Variants in PCDHAC2 observed in about 807,000 individuals in gnomAD.
The protein encoded by PCDHAC2 is protocadherin alpha-C2.
Under a neutral mutation model 63.3 loss-of-function variants are expected in PCDHAC2, and 24 were observed. The ratio of observed to expected loss-of-function variants is 0.38; its 90% confidence interval spans 0.27 to 0.53. PCDHAC2 has a LOEUF of 0.53. Ranked by LOEUF, PCDHAC2 falls within the 20% of genes least tolerant of loss-of-function variation. The pLI is 0.81. For synonymous variants in PCDHAC2, 569 were observed against 529.4 expected (o/e 1.07, Z -1.03); for missense variants, 1,181 against 1,275.2 (o/e 0.93, Z 1.12).
At chr5:140,971,844 C>T (rs1209652703) in intron 1 of PCDHAC2, among the ~76,000 whole-genome samples, 2 of 151,920 alleles carry the variant, frequency 1.3e-5, no homozygotes, top group African/African-American at 2.4e-5. Flanking sequence ...GCAAGTCATG[C>T]GTTAAATATT....
rs377370256 is a variant in PCDHAC2 at position 140,966,811 on chromosome 5, G to A, written c.45G>A (p.Arg15=). Residue 15 remains arginine (R), a synonymous_variant, in exon 1 of 4, where the codon CGG becomes CGA. Transcript: ENST00000289269. ...GACCTGCGGCGACAGAGCATCCACGGCTCCGGCGGCCCATGCCCTGGCTGC... is the reference window on the plus strand; with the variant it reads ...GACCTGCGGCGACAGAGCATCCACGACTCCGGCGGCCCATGCCCTGGCTGC... ...GTRPAATEHP[R]LRRPMPWLLL... is the part of the protein sequence containing the mutation. The A allele has an allele frequency of 1.4e-5, 21 of 1,549,722 alleles. No individual in the cohort carries two copies. The African/African-American group carries it at 2.6e-4, about 19-fold the overall frequency.
intron 2 of PCDHAC2, among the ~76,000 whole-genome samples, chr5:140,981,575 A>G (rs2096938835): frequency 1.3e-5 from 2 of 152,152 alleles, no homozygotes; most frequent in African/African-American, 4.8e-5. Flanking sequence ...CTTTGTCTCA[A>G]AAATAAATAA....
At chr5:140,978,397 C>G (rs2096799745) in intron 1 of PCDHAC2, among the ~76,000 whole-genome samples, 1 of 152,080 alleles carries the variant, frequency 6.6e-6, no homozygotes, top group Non-Finnish European at 1.5e-5. Flanking sequence ...CCCTAGTATC[C>G]CTCTTCAATC....
intron 3 of PCDHAC2, among the ~76,000 whole-genome samples, chr5:141,008,259 T>G (rs986818585): frequency 3.3e-5 from 5 of 152,202 alleles, no homozygotes; most frequent in Non-Finnish European, 7.3e-5. Context: ...TAGAGGAGAC[T>G]GAGAAGTAAT....
At chr5:140,991,847 G>A (rs1375292594) in intron 3 of PCDHAC2, among the ~76,000 whole-genome samples, 1 of 152,162 alleles carries the variant, frequency 6.6e-6, no homozygotes, top group African/African-American at 2.4e-5. Flanking sequence ...CGCACTTCCA[G>A]ATACCAAAAT....
At chr5:140,989,296 G>A (rs1587341853) in intron 3 of PCDHAC2, among the ~76,000 whole-genome samples, 1 of 152,128 alleles carries the variant, frequency 6.6e-6, no homozygotes, top group South Asian at 2.1e-4. Context: ...TGTCACAAAG[G>A]GCCAAGGAAG....
intron 3 of PCDHAC2, among the ~76,000 whole-genome samples, chr5:141,000,387 CTCTCTCTCTA>C (rs1244377903): frequency 2.3e-3 from 152 of 66,802 alleles, no homozygotes; most frequent in African/African-American, 4.6e-3. Flanking sequence ...CTCTCTCTCT[CTCTCTCTCTA>C]TATATATATA....
At chr5:140,987,944 T>C (rs910006070) in intron 3 of PCDHAC2, among the ~76,000 whole-genome samples, 11 of 152,186 alleles carry the variant, frequency 7.2e-5, no homozygotes, top group African/African-American at 2.7e-4. Context: ...CTTACCTGTC[T>C]GACAAAACCA....
intron 3 of PCDHAC2, among the ~76,000 whole-genome samples, chr5:140,991,746 T>C (rs74524919): frequency 0.01 from 1,537 of 152,318 alleles, 24 homozygotes; most frequent in African/African-American, 0.035. Flanking sequence ...GTAGGCTCTT[T>C]CTATCATGCT....
At position 140,981,056 on chromosome 5, in the gene PCDHAC2, G is replaced by A. The variant is rs571113984; in HGVS notation, c.2625-1419G>A. 1.5e-3 allele frequency among the ~76,000 whole-genome samples: 227 copies of A among 152,276 alleles called. 1 individual carries two copies. Among genetic ancestry groups the A allele is most frequent in the African/African-American group, 5.2e-3 (217 of 41,556 alleles). ...GGGAAAAAAAACAGATAATTCTAGA[G>A]TGTAGACAAGGGGAAGAATAGTAAA... On this transcript the variant is annotated intron_variant, in intron 2 of 3. Transcript: ENST00000289269.
In PCDHAC2 at chr5:140,966,770, G is replaced by C; in HGVS notation, c.4G>C (p.Glu2Gln). 3 of 1,500,088 alleles carry C rather than the reference G, an allele frequency of 2.0e-6. No individual in the cohort carries two copies. Among genetic ancestry groups the C allele is most frequent in the Non-Finnish European group, 2.7e-6 (3 of 1,126,518 alleles). 92.9% of individuals were successfully genotyped at this position (1,500,088 alleles called of 1,614,324 possible). Reference protein sequence around the residue: MEQAGTRPAATE... With the variant: MQQAGTRPAATE... ...GCCTCCGCCGCGGCCAGTGGCTATG[G>C]AGCAGGCGGGCACCAGACCTGCGGC... Residue 2 changes from glutamate to glutamine, a missense_variant, in exon 1 of 4, where the codon GAG becomes CAG. Around this residue, in one of 3 missense-constraint regions of PCDHAC2, gnomAD observed 210 missense variants for 184.9 expected, o/e 1.14. Coordinates refer to ENST00000289269, the MANE Select transcript of PCDHAC2 (RefSeq NM_018899.6).
rs959631573 is a variant in PCDHAC2 at position 140,968,044 on chromosome 5, A to C, written c.1278A>C (p.Pro426=). 2 of 1,614,142 alleles carry C rather than the reference A, an allele frequency of 1.2e-6. No individual in the cohort carries two copies. Among genetic ancestry groups the C allele is most frequent in the Non-Finnish European group, 1.7e-6 (2 of 1,180,006 alleles). ...CCTATACACTGGTGGTGAGCGGCCC[A>C]CTGGACCGAGAGCGGGTGGCTGTCT... ...GNSYTLVVSG[P]LDRERVAVYN... is the part of the protein sequence containing the mutation. The change falls in exon 1 of 4, where the codon CCA becomes CCC. Residue 426 remains proline, a synonymous_variant. Coordinates refer to ENST00000289269, the MANE Select transcript of PCDHAC2 (RefSeq NM_018899.6).
In PCDHAC2 at chr5:141,010,461, G is replaced by A; in HGVS notation, c.*524G>A. The A allele has an allele frequency of 1.2e-6, 1 of 823,014 alleles. No homozygotes were observed. The highest frequency in any genetic ancestry group is 1.8e-6 in the Non-Finnish European group (1 of 553,022). The allele number at this position is 823,014 out of a possible 1,614,324, so 51.0% of individuals were successfully genotyped here. A position where few individuals can be genotyped will look rare whatever the true frequency, so the allele number is the denominator to read the frequency against. On this transcript the variant is annotated 3_prime_UTR_variant, in exon 4 of 4. Transcript: ENST00000289269. ...GACAAATAAACAGCGGAAGTTATCA[G>A]TATGGAGGGGAAGTGTAAACTTAAA...
intron 2 of PCDHAC2, among the ~76,000 whole-genome samples, chr5:140,979,404 C>T (rs2096848893): frequency 6.6e-6 from 1 of 151,980 alleles, no homozygotes; most frequent in Non-Finnish European, 1.5e-5. Context: ...ATGTTGTCTA[C>T]CTTGTTTTTT....
chr5:140,967,909 C>A lies in PCDHAC2; in HGVS notation c.1143C>A (p.Asn381Lys). ...YSPVPENATP[N>K]TIVAVLSVND... ...CAGTGCCTGAGAATGCTACACCCAACACCATTGTGGCCGTTCTCAGTGTCA... is the reference window on the plus strand; with the variant it reads ...CAGTGCCTGAGAATGCTACACCCAAAACCATTGTGGCCGTTCTCAGTGTCA... Residue 381 changes from asparagine (N) to lysine (K), a missense_variant, in exon 1 of 4, where the codon AAC (asparagine) becomes AAA (lysine). Coordinates refer to ENST00000289269, the MANE Select transcript of PCDHAC2 (RefSeq NM_018899.6). 6.2e-7 allele frequency: 1 copy of A among 1,614,206 alleles called. No individual in the cohort carries two copies. Among genetic ancestry groups the A allele is most frequent in the Non-Finnish European group, 8.5e-7 (1 of 1,180,038 alleles).
chr5:140,999,712 C>T (rs1411166924), intron 3 of PCDHAC2, among the ~76,000 whole-genome samples: 9 of 152,204 alleles, frequency 5.9e-5, no homozygotes, highest in African/African-American at 9.6e-5. Flanking sequence ...TAGCTAACTA[C>T]GGAGACCAGC....
chr5:140,969,636 T>C (rs2096349824), intron 1 of PCDHAC2: 1 of 212,100 alleles, frequency 4.7e-6, no homozygotes, highest in Non-Finnish European at 8.1e-6. Context: ...GGACAGGCCT[T>C]GGAATAGGGA....
chr5:141,000,395 C>CTCTATAAATA (rs1213762225), intron 3 of PCDHAC2, among the ~76,000 whole-genome samples: 2 of 53,986 alleles, frequency 3.7e-5, no homozygotes, highest in African/African-American at 1.5e-4. Flanking sequence ...CTCTCTCTCT[C>CTCTATAAATA]TATATATATA....
intron 3 of PCDHAC2, among the ~76,000 whole-genome samples, chr5:141,006,206 AT>A (rs1178693799): frequency 1.4e-5 from 2 of 147,854 alleles, no homozygotes. Flanking sequence ...GTTATGCCTC[AT>A]TTTTTTTTAA....
Sources: allele counts gnomAD v4.1 joint callset (sites outside exome capture counted in the v4.1 genomes callset), GRCh38; gene constraint gnomAD v4.1.1; regional missense constraint gnomAD v4.1.1; transcripts MANE v1.5; gene names NCBI Gene and HGNC (gene_info 2026-07-23, HGNC 2026-07-21).